DACH2: variants seen among roughly 807,000 people sequenced by gnomAD.
DACH2 encodes dachshund homolog 2.
DACH2 carries 17 observed loss-of-function variants against 35.8 expected under a neutral mutation model. That is an observed-to-expected ratio of 0.48 (90% CI 0.33 to 0.71). DACH2 has a LOEUF of 0.71. Ranked by LOEUF, DACH2 falls within the 30% of genes least tolerant of loss-of-function variation. The pLI is 0.02. For synonymous variants in DACH2, 195 were observed against 177.3 expected (o/e 1.10, Z -0.79); for missense variants, 469 against 472.7 (o/e 0.99, Z 0.07).
At position 86,158,396 on chromosome X, in the gene DACH2, G is replaced by A. The variant is rs767385486; in HGVS notation, c.488+9288G>A. 1.3e-4 allele frequency among the ~76,000 whole-genome samples: 14 copies of A among 111,236 alleles called. No homozygotes were observed. In the Admixed American group the frequency reaches 1.3e-3, roughly 11 times the overall value. On this transcript the variant is annotated intron_variant, in intron 1 of 11. Coordinates refer to ENST00000373125, the MANE Select transcript of DACH2 (RefSeq NM_053281.3). ...GCAACCAGTGAGTATGTCTTTTGCT[G>A]TATTGTCTTTAAGCTGTAGACATTT...
intron 1 of DACH2, among the ~76,000 whole-genome samples, chrX:86,154,942 A>G (rs1469726747): frequency 9.0e-6 from 1 of 111,624 alleles, no homozygotes; most frequent in Admixed American, 9.5e-5. Flanking sequence ...AAGATTTTTC[A>G]TGGGAAAGAG....
intron 1 of DACH2, among the ~76,000 whole-genome samples, chrX:86,295,928 T>C (rs2034444324): frequency 9.1e-6 from 1 of 109,509 alleles, no homozygotes; most frequent in South Asian, 3.9e-4. Context: ...TATGAAGGGA[T>C]GTGTGTGTGT....
intron 1 of DACH2, among the ~76,000 whole-genome samples, chrX:86,291,686 G>T (rs1602365246): frequency 9.7e-6 from 1 of 103,298 alleles, no homozygotes; most frequent in South Asian, 4.8e-4. Context: ...AGATAATCAT[G>T]TGGTTTTTGT....
chrX:86,243,548 TC>T (rs770424730), intron 1 of DACH2, among the ~76,000 whole-genome samples: 3 of 111,775 alleles, frequency 2.7e-5, no homozygotes, highest in African/African-American at 9.7e-5. Context: ...GATTTTTTTT[TC>T]TACCTTAATA....
intron 1 of DACH2, among the ~76,000 whole-genome samples, chrX:86,321,956 G>A (rs867772637): frequency 9.0e-6 from 1 of 110,823 alleles, no homozygotes; most frequent in African/African-American, 3.3e-5. Flanking sequence ...CTTGGACAAT[G>A]GGGAGCTTTG....
chrX:86,581,715 A>G (rs995613677), intron 3 of DACH2, among the ~76,000 whole-genome samples: 10 of 111,900 alleles, frequency 8.9e-5, no homozygotes, highest in African/African-American at 3.2e-4. Flanking sequence ...CACCCAACAC[A>G]AGAGCACTCA....
intron 1 of DACH2, among the ~76,000 whole-genome samples, chrX:86,272,904 A>G (rs1369558484): frequency 9.0e-6 from 1 of 111,670 alleles, no homozygotes; most frequent in East Asian, 2.8e-4. Flanking sequence ...TTTATGTTGT[A>G]TCTGTTGACT....
intron 4 of DACH2, 61 bp downstream of exon 4, chrX:86,651,228 G>A: frequency 9.0e-7 from 1 of 1,108,778 alleles, no homozygotes; most frequent in Non-Finnish European, 1.2e-6. Flanking sequence ...GGGCAGGAGA[G>A]AGGTGGGATG....
At chrX:86,300,901 A>T (rs1450206521) in intron 1 of DACH2, among the ~76,000 whole-genome samples, 1 of 112,258 alleles carries the variant, frequency 8.9e-6, no homozygotes, top group East Asian at 2.8e-4. Flanking sequence ...ATAAATATTT[A>T]GCACCAGCTA....
At chrX:86,396,129 C>T (rs1209035397) in intron 2 of DACH2, among the ~76,000 whole-genome samples, 71 of 108,009 alleles carry the variant, frequency 6.6e-4, no homozygotes, top group Middle Eastern at 4.7e-3. Flanking sequence ...TGCATTTCTC[C>T]GATGGCCAGT....
At chrX:86,619,849 T>G (rs1461601065) in intron 3 of DACH2, among the ~76,000 whole-genome samples, 1 of 112,148 alleles carries the variant, frequency 8.9e-6, no homozygotes, top group Non-Finnish European at 1.9e-5. Flanking sequence ...ATGCTTAGAG[T>G]TGTGCTATAT....
intron 1 of DACH2, among the ~76,000 whole-genome samples, chrX:86,200,255 C>T (rs1424713261): frequency 9.0e-6 from 1 of 110,971 alleles, no homozygotes; most frequent in African/African-American, 3.3e-5. Context: ...AAGCTAGACC[C>T]CTTCCTTACA....
In DACH2 at chrX:86,715,621, C is replaced by A. The variant is rs1013219724; in HGVS notation, c.1104+901C>A. Among the ~76,000 whole-genome samples, 4 of 111,455 alleles carry A rather than the reference C, an allele frequency of 3.6e-5. 1 individual carries two copies. Among genetic ancestry groups the A allele is most frequent in the African/African-American group, 1.3e-4 (4 of 30,638 alleles). On this transcript the variant is annotated intron_variant, in intron 6 of 11. Coordinates refer to ENST00000373125, the MANE Select transcript of DACH2 (RefSeq NM_053281.3). Reference sequence around the variant, plus strand: ...AATAATTACATGCCAGGTTATTGAGCAATATGGGAAATTTATAAGTAAGAT... The same window carrying A: ...AATAATTACATGCCAGGTTATTGAGAAATATGGGAAATTTATAAGTAAGAT...
chrX:86,280,742 A>C (rs2034009777), intron 1 of DACH2, among the ~76,000 whole-genome samples: 1 of 111,928 alleles, frequency 8.9e-6, no homozygotes, highest in Non-Finnish European at 1.9e-5. Context: ...ACTCAAAATA[A>C]AGGGATAGAG....
At chrX:86,269,213 C>T (rs1201778431) in intron 1 of DACH2, among the ~76,000 whole-genome samples, 1 of 111,238 alleles carries the variant, frequency 9.0e-6, no homozygotes, top group Non-Finnish European at 1.9e-5. Context: ...TTAAATCCCA[C>T]AACTAAGTTA....
intron 3 of DACH2, among the ~76,000 whole-genome samples, chrX:86,615,197 G>A (rs773456409): frequency 9.0e-6 from 1 of 111,603 alleles, no homozygotes; most frequent in East Asian, 2.8e-4. Context: ...TTTCATGAAG[G>A]AATTCAACTT....
At chrX:86,591,748 G>A (rs1391359806) in intron 3 of DACH2, among the ~76,000 whole-genome samples, 3 of 110,310 alleles carry the variant, frequency 2.7e-5, no homozygotes, top group Non-Finnish European at 3.8e-5. Context: ...ATATTGGCCA[G>A]GCTGGTGTCG....
intron 7 of DACH2, among the ~76,000 whole-genome samples, chrX:86,743,256 G>T (rs968505378): frequency 2.7e-5 from 3 of 111,345 alleles, no homozygotes; most frequent in African/African-American, 9.8e-5. Context: ...ATCTGCTGAG[G>T]TACATGTGTC....
intron 3 of DACH2, among the ~76,000 whole-genome samples, chrX:86,534,202 G>A (rs748697481): frequency 8.1e-4 from 91 of 111,763 alleles, no homozygotes; most frequent in African/African-American, 2.8e-3. Flanking sequence ...AACAAAAGAT[G>A]GTGGGAGGTA....
Sources: gnomAD v4.1 joint callset for allele counts (sites outside exome capture counted in the v4.1 genomes callset) on GRCh38, gnomAD v4.1.1 for gene constraint, MANE v1.5 for transcripts, NCBI Gene and HGNC (gene_info 2026-07-23, HGNC 2026-07-21) for gene names.